GPC3: variants seen among roughly 807,000 people sequenced by gnomAD.
GPC3 encodes the protein glypican 3, also known as glypican-3.
A neutral mutation model predicts 34.4 loss-of-function variants in GPC3; 3 were observed. The ratio of observed to expected loss-of-function variants is 0.09; its 90% CI spans 0.04 to 0.23. The LOEUF is 0.23. Among genes scored for constraint, GPC3 ranks in the 10% least tolerant of loss-of-function variants. The pLI, the probability that GPC3 is intolerant of heterozygous loss-of-function variation, is 1.00. For missense variants in GPC3, 351 were observed against 445.6 expected (o/e 0.79, Z 1.91); for synonymous variants, 177 against 174.0 (o/e 1.02, Z -0.13).
chrX:133,766,535 A>T (rs1032835810), intron 2 of GPC3, among the ~76,000 whole-genome samples: 24 of 112,350 alleles, frequency 2.1e-4, no homozygotes, highest in African/African-American at 7.8e-4. Flanking sequence ...CATATCTGCA[A>T]AATGCCTCAT....
At chrX:133,877,964 T>G (rs6634941) in intron 2 of GPC3, among the ~76,000 whole-genome samples, 46,426 of 109,474 alleles carry the variant, frequency 0.42, 9,089 homozygotes, top group African/African-American at 0.77. Flanking sequence ...GACTTTTATG[T>G]TTTTTTTTAA....
intron 6 of GPC3, among the ~76,000 whole-genome samples, chrX:133,603,046 C>T (rs780282708): frequency 9.3e-6 from 1 of 107,830 alleles, no homozygotes; most frequent in Non-Finnish European, 1.9e-5. Context: ...GAGCTCTTGG[C>T]AATCATTCAA....
At chrX:133,623,968 C>T (rs2070265511) in intron 6 of GPC3, among the ~76,000 whole-genome samples, 1 of 111,749 alleles carries the variant, frequency 8.9e-6, no homozygotes. Context: ...TCTCTCAGAC[C>T]ACAGGGAATC....
chrX:133,934,735 C>T (rs1245192137), intron 2 of GPC3, among the ~76,000 whole-genome samples: 1 of 106,028 alleles, frequency 9.4e-6, no homozygotes, highest in African/African-American at 3.5e-5. Flanking sequence ...ATTGCTCAGG[C>T]TGGTCTTCGA....
At position 133,700,000 on chromosome X, in the gene GPC3, T is replaced by C. The variant is rs1247273709; in HGVS notation, c.1061A>G (p.Gln354Arg). The stretch of plus-strand genomic sequence containing the variant: ...ATAATAAGCAGATCTATATTGGCGT[T>C]GTTGAGAATGGGCACATAACTTGCC... Reference protein sequence around the residue: ...TIGKLCAHSQQRQYRSAYYPE... With the variant: ...TIGKLCAHSQRRQYRSAYYPE... Residue 354 changes from glutamine to arginine, a missense_variant, in exon 4 of 8, where the codon CAA becomes CGA. Coordinates refer to ENST00000370818, the MANE Select transcript of GPC3 (RefSeq NM_004484.4). The C allele has an allele frequency of 4.2e-6, 5 of 1,190,559 alleles. No individual in the cohort carries two copies. Among genetic ancestry groups the C allele is most frequent in the African/African-American group, 3.5e-5 (2 of 56,958 alleles).
chrX:133,671,449 A>G (rs1279194707), intron 5 of GPC3: 1 of 450,841 alleles, frequency 2.2e-6, no homozygotes, highest in Non-Finnish European at 3.9e-6. Flanking sequence ...ATAAACTAAA[A>G]ACTTTCATGT....
intron 1 of GPC3, among the ~76,000 whole-genome samples, chrX:133,973,901 G>C (rs542141997): frequency 8.9e-6 from 1 of 112,396 alleles, no homozygotes; most frequent in East Asian, 2.8e-4. Flanking sequence ...GAACTCAGAA[G>C]CTACAGACAC....
chrX:133,661,222 A>G (rs1412831570), intron 6 of GPC3, among the ~76,000 whole-genome samples: 1 of 112,014 alleles, frequency 8.9e-6, no homozygotes, highest in Non-Finnish European at 1.9e-5. Flanking sequence ...CAACATGGAA[A>G]AGAAAAGTGT....
Position 133,851,057 on chromosome X carries a change from C to T in GPC3, c.338-96881G>A, listed in dbSNP as rs779337980. Among the ~76,000 whole-genome samples, 3 of 111,484 alleles carry T rather than the reference C, an allele frequency of 2.7e-5. No homozygotes were observed. In the East Asian group the frequency reaches 8.4e-4, roughly 31 times the overall value. ...AGTTGGAGGTGCAGTGAGCTGAGAT[C>T]GTGCCACTGCACTTCAGCCTGGGTG... On this transcript the variant is annotated intron_variant, in intron 2 of 7. Transcript: ENST00000370818.
intron 2 of GPC3, among the ~76,000 whole-genome samples, chrX:133,760,409 G>T (rs2071775572): frequency 8.9e-6 from 1 of 112,061 alleles, no homozygotes; most frequent in African/African-American, 3.2e-5. Context: ...TAAATAAGCT[G>T]TGGTACATCT....
intron 2 of GPC3, among the ~76,000 whole-genome samples, chrX:133,788,091 TATATA>T (rs1569432777): frequency 3.1e-3 from 55 of 17,615 alleles, no homozygotes; most frequent in Non-Finnish European, 7.1e-3. Context: ...TATTATTTTA[TATATA>T]TATATATATA....
intron 3 of GPC3, among the ~76,000 whole-genome samples, chrX:133,700,915 C>T (rs970627314): frequency 6.3e-5 from 7 of 110,842 alleles, no homozygotes; most frequent in African/African-American, 2.0e-4. Flanking sequence ...AGTGTCATCA[C>T]CTATGAATCA....
intron 7 of GPC3, among the ~76,000 whole-genome samples, chrX:133,588,691 G>A (rs1417922882): frequency 9.0e-6 from 1 of 110,686 alleles, no homozygotes. Context: ...AGGAGTAGAA[G>A]TGTAAGATTA....
Position 133,951,047 on chromosome X carries a change from A to AGTGTGTGTGTGT in GPC3, c.337+1991_337+2002dup, listed in dbSNP as rs373690687. Among the ~76,000 whole-genome samples the AGTGTGTGTGTGT allele has an allele frequency of 9.4e-3, 723 of 76,677 alleles. 14 individuals are homozygous for AGTGTGTGTGTGT. Among genetic ancestry groups the AGTGTGTGTGTGT allele is most frequent in the East Asian group, 0.024 (52 of 2,193 alleles). The allele number at this position is 76,677 out of a possible 115,157, so 66.6% of individuals were successfully genotyped here. On this transcript the variant is annotated intron_variant, in intron 2 of 7. Coordinates refer to ENST00000370818, the MANE Select transcript of GPC3 (RefSeq NM_004484.4). ...TCTGTCTATCCCCACAATTCAAGAA[A>AGTGTGTGTGTGT]GTGTGTGTGTGTGTGTGTGTGTGTG...
chrX:133,722,390 G>A (rs2124456321), intron 3 of GPC3, among the ~76,000 whole-genome samples: 1 of 111,368 alleles, frequency 9.0e-6, no homozygotes, highest in South Asian at 3.8e-4. Context: ...AATTTACAAG[G>A]TTCAGAGTAC....
chrX:133,731,324 G>T (rs2071460831), intron 3 of GPC3, among the ~76,000 whole-genome samples: 1 of 112,553 alleles, frequency 8.9e-6, no homozygotes, highest in African/African-American at 3.2e-5. Context: ...GGTGACTTTG[G>T]ACTATTTATC....
chrX:133,898,907 C>G (rs1384862566), intron 2 of GPC3, among the ~76,000 whole-genome samples: 1 of 111,903 alleles, frequency 8.9e-6, no homozygotes, highest in Non-Finnish European at 1.9e-5. Flanking sequence ...TACCTAAGAT[C>G]CTAGGAAGCT....
intron 2 of GPC3, among the ~76,000 whole-genome samples, chrX:133,874,403 C>T: frequency 9.0e-6 from 1 of 111,599 alleles, no homozygotes; most frequent in East Asian, 2.8e-4. Flanking sequence ...ATCCCCAATC[C>T]TTCCATTTTA....
intron 1 of GPC3, among the ~76,000 whole-genome samples, chrX:133,968,059 G>A (rs1320256157): frequency 8.9e-6 from 1 of 112,753 alleles, no homozygotes; most frequent in Admixed American, 9.3e-5. Context: ...CTGGGTTGAG[G>A]CAATGATGGA....
Sources: allele counts gnomAD v4.1 joint callset (sites outside exome capture counted in the v4.1 genomes callset), GRCh38; gene constraint gnomAD v4.1.1; transcripts MANE v1.5; gene names NCBI Gene and HGNC (gene_info 2026-07-23, HGNC 2026-07-21).